Variants in LIN7A observed in about 807,000 individuals in gnomAD.
LIN7A encodes the protein protein lin-7 homolog A.
In LIN7A, 25 loss-of-function variants were observed where a neutral mutation model predicts 29.8. The observed-to-expected ratio is 0.84, with a 90% confidence interval of 0.61 to 1.17. The LOEUF (loss-of-function observed/expected upper bound fraction) is 1.17, where lower values mean the gene tolerates loss of function less well. Among genes scored for constraint, LIN7A ranks in the 50% most tolerant of loss-of-function variants. The probability of loss-of-function intolerance (pLI) is 0.00; values close to 1 mark genes in which losing one functional copy is unlikely to be tolerated. For missense variants in LIN7A, 239 were observed against 287.0 expected, an observed-to-expected ratio of 0.83 and a Z score of 1.21; for synonymous variants, 118 against 107.5, an observed-to-expected ratio of 1.10 and a Z score of -0.60.
Position 80,794,729 on chromosome 12 carries a change from A to C in LIN7A, c.*2998T>G, listed in dbSNP as rs1243317373. 6.6e-6 allele frequency: 1 copy of C among 152,210 alleles called. No individual in the cohort carries two copies. Among genetic ancestry groups the C allele is most frequent in the Non-Finnish European group, 1.5e-5 (1 of 68,028 alleles). The allele number at this position is 152,210 out of a possible 1,614,324, so 9.4% of individuals were successfully genotyped here. A position where few individuals can be genotyped will look rare whatever the true frequency, so the allele number is the denominator to read the frequency against. Reference sequence around the variant, plus strand: ...AGACTGTGATTGTTCACATAACTGGAGAATTCCCTATTGACTACATGATTG... The same window carrying C: ...AGACTGTGATTGTTCACATAACTGGCGAATTCCCTATTGACTACATGATTG... On this transcript the variant is annotated 3_prime_UTR_variant, in exon 6 of 6. Transcript: ENST00000552864.
At chr12:80,858,736 A>C (rs541973905) in intron 2 of LIN7A, among the ~76,000 whole-genome samples, 10 of 152,278 alleles carry the variant, frequency 6.6e-5, no homozygotes, top group Non-Finnish European at 1.3e-4. Context: ...AATATGCCTT[A>C]ATTTTCACTG....
chr12:80,860,920 T>A (rs1338547902), intron 2 of LIN7A: 3 of 152,254 alleles, frequency 2.0e-5, no homozygotes, highest in Non-Finnish European at 4.4e-5. Flanking sequence ...CTCTTGCTCA[T>A]GATCCGCAAA....
At chr12:80,892,915 G>T (rs1226471166) in intron 1 of LIN7A, among the ~76,000 whole-genome samples, 2 of 152,034 alleles carry the variant, frequency 1.3e-5, no homozygotes, top group African/African-American at 4.8e-5. Flanking sequence ...ACATATTATT[G>T]GTTCTAAACA....
At chr12:80,827,504 C>T (rs977328388) in intron 4 of LIN7A, among the ~76,000 whole-genome samples, 1 of 152,146 alleles carries the variant, frequency 6.6e-6, no homozygotes, top group Non-Finnish European at 1.5e-5. Context: ...CCAATAAATG[C>T]ATTACCCCAT....
At chr12:80,826,207 T>G (rs1872071598) in intron 4 of LIN7A, among the ~76,000 whole-genome samples, 1 of 152,192 alleles carries the variant, frequency 6.6e-6, no homozygotes, top group African/African-American at 2.4e-5. Context: ...CCACAGAATA[T>G]TCTTTGCTTT....
intron 2 of LIN7A, among the ~76,000 whole-genome samples, chr12:80,856,332 G>C (rs960115179): frequency 7.2e-5 from 11 of 152,162 alleles, no homozygotes; most frequent in Non-Finnish European, 1.0e-4. Context: ...CAACATCTTT[G>C]TTAGGTCGAA....
At position 80,814,463 on chromosome 12, in the gene LIN7A, A is replaced by AG. The variant is rs1592855857; in HGVS notation, c.484-2781dup. Among the ~76,000 whole-genome samples, 4 of 152,302 alleles carry AG rather than the reference A, an allele frequency of 2.6e-5. No individual in the cohort carries two copies. The East Asian group carries it at 7.7e-4, about 29-fold the overall frequency. On this transcript the variant is annotated intron_variant, in intron 4 of 5. Coordinates refer to ENST00000552864, the MANE Select transcript of LIN7A (RefSeq NM_004664.4). ...TTTCTAGGCCAGATCATCAGTCTGT[A>AG]GACTTCTTCGTGGCTTTTGTTCTAT...
At chr12:80,807,671 G>A (rs1270013580) in intron 5 of LIN7A, among the ~76,000 whole-genome samples, 3 of 152,264 alleles carry the variant, frequency 2.0e-5, no homozygotes, top group East Asian at 3.9e-4. Context: ...AAGGAATAAT[G>A]CGTTGTCATT....
intron 4 of LIN7A, among the ~76,000 whole-genome samples, chr12:80,814,432 A>G (rs1300277115): frequency 6.7e-6 from 1 of 150,100 alleles, no homozygotes; most frequent in Admixed American, 6.7e-5. Flanking sequence ...ATAATGGTTC[A>G]CCCAGTTTCT....
At chr12:80,841,513 T>C (rs753421868) in intron 4 of LIN7A, among the ~76,000 whole-genome samples, 1 of 151,984 alleles carries the variant, frequency 6.6e-6, no homozygotes, top group Non-Finnish European at 1.5e-5. Flanking sequence ...TTATGTTTTG[T>C]CCCCCTCCCT....
chr12:80,865,803 A>G (rs1483622389), intron 2 of LIN7A, among the ~76,000 whole-genome samples: 2 of 152,244 alleles, frequency 1.3e-5, no homozygotes, highest in Non-Finnish European at 2.9e-5. Flanking sequence ...ACAGCCTTTC[A>G]GAGGATAGAG....
chr12:80,834,972 A>C (rs7138596), intron 4 of LIN7A, among the ~76,000 whole-genome samples: 60,977 of 151,960 alleles, frequency 0.4, 12,398 homozygotes, highest in African/African-American at 0.43. Context: ...CCAAGTTAGG[A>C]TTAAATCGAA....
At chr12:80,837,842 C>T (rs900609809) in intron 4 of LIN7A, among the ~76,000 whole-genome samples, 6 of 150,656 alleles carry the variant, frequency 4.0e-5, no homozygotes, top group Non-Finnish European at 5.9e-5. Flanking sequence ...TCATCATCCT[C>T]ATCATCATCA....
At chr12:80,880,751 GCA>G (rs202207302) in intron 2 of LIN7A, among the ~76,000 whole-genome samples, 84 of 136,232 alleles carry the variant, frequency 6.2e-4, no homozygotes, top group South Asian at 1.9e-3. Flanking sequence ...AGGAGGCAAC[GCA>G]CACACACACA....
chr12:80,803,776 T>C (rs1870835074), intron 5 of LIN7A, among the ~76,000 whole-genome samples: 1 of 152,216 alleles, frequency 6.6e-6, no homozygotes, highest in Non-Finnish European at 1.5e-5. Context: ...ATGGTAGCCA[T>C]GGAAAGCTAA....
At chr12:80,805,305 T>C (rs889522853) in intron 5 of LIN7A, among the ~76,000 whole-genome samples, 3 of 152,112 alleles carry the variant, frequency 2.0e-5, no homozygotes, top group Non-Finnish European at 4.4e-5. Flanking sequence ...ATAGTTTTCG[T>C]AATAATTCCC....
At chr12:80,887,168 A>G (rs1875372204) in intron 2 of LIN7A, among the ~76,000 whole-genome samples, 1 of 152,090 alleles carries the variant, frequency 6.6e-6, no homozygotes, top group South Asian at 2.1e-4. Flanking sequence ...TTCATTAATA[A>G]TTTCTGTTGA....
rs1565899639 is a variant in LIN7A at position 80,845,941 on chromosome 12, TG to T, written c.274-3del. The T allele has an allele frequency of 7.3e-6, 11 of 1,509,104 alleles. No homozygotes were observed. Among genetic ancestry groups the T allele is most frequent in the East Asian group, 4.8e-5 (2 of 41,530 alleles). 93.5% of individuals were successfully genotyped at this position (1,509,104 alleles called of 1,614,324 possible). On this transcript the variant is annotated splice_region_variant and splice_polypyrimidine_tract_variant and intron_variant, in intron 3 of 5. Transcript: ENST00000552864. ...AGCTGCAAAAGCTGCAACTGTTGCC[TG>T]AAAAAAAAAAAAAAAGATGGTCTTT...
intron 1 of LIN7A, among the ~76,000 whole-genome samples, chr12:80,894,642 AAGAG>A (rs1307687650): frequency 2.0e-5 from 3 of 152,236 alleles, no homozygotes; most frequent in African/African-American, 7.2e-5. Flanking sequence ...AGATTAAAAA[AAGAG>A]AGGGAGAGGT....
Sources: allele counts gnomAD v4.1 joint callset (sites outside exome capture counted in the v4.1 genomes callset), GRCh38; gene constraint gnomAD v4.1.1; transcripts MANE v1.5; gene names NCBI Gene and HGNC (gene_info 2026-07-23, HGNC 2026-07-21).